Variants in EDA observed in about 807,000 individuals in gnomAD.
The protein encoded by EDA is ectodysplasin-A.
In EDA, 2 loss-of-function variants were observed where a neutral mutation model predicts 23.6. The observed-to-expected ratio is 0.08, with a 90% CI of 0.03 to 0.27. The LOEUF is 0.27. Among genes scored for constraint, EDA ranks in the 10% least tolerant of loss-of-function variants. The probability of loss-of-function intolerance (pLI) is 1.00; values close to 1 mark genes in which losing one functional copy is unlikely to be tolerated. For synonymous variants in EDA, 131 were observed against 132.0 expected (o/e 0.99, Z 0.05); for missense variants, 229 against 324.2 (o/e 0.71, Z 2.26).
At chrX:69,903,871 C>T (rs1479949159) in intron 1 of EDA, among the ~76,000 whole-genome samples, 1 of 110,480 alleles carries the variant, frequency 9.1e-6, no homozygotes, top group East Asian at 2.8e-4. Context: ...AGTGCAGTGG[C>T]GTGATCTCAG....
At chrX:69,778,605 GGGT>G (rs775853275) in intron 1 of EDA, among the ~76,000 whole-genome samples, 8 of 111,420 alleles carry the variant, frequency 7.2e-5, no homozygotes, top group African/African-American at 2.3e-4. Context: ...GACAATTGAA[GGGT>G]TCATTGGATT....
chrX:69,924,919 G>A (rs1008029256), intron 1 of EDA, among the ~76,000 whole-genome samples: 17 of 111,431 alleles, frequency 1.5e-4, no homozygotes, highest in African/African-American at 5.2e-4. Flanking sequence ...TAGTGATTGT[G>A]AATGGGAGTT....
chrX:69,778,828 A>G (rs1000462536), intron 1 of EDA, among the ~76,000 whole-genome samples: 2 of 111,148 alleles, frequency 1.8e-5, no homozygotes, highest in Admixed American at 9.6e-5. Context: ...ACTTCCTGCA[A>G]TTTTCTGGCA....
At chrX:69,661,832 A>T (rs1052740823) in intron 1 of EDA, among the ~76,000 whole-genome samples, 7 of 111,887 alleles carry the variant, frequency 6.3e-5, no homozygotes, top group African/African-American at 2.0e-4. Context: ...AGTATTTTTT[A>T]AAAAATACAT....
At chrX:70,022,231 T>C (rs5980892) in intron 2 of EDA, among the ~76,000 whole-genome samples, 20,753 of 111,196 alleles carry the variant, frequency 0.19, 1,782 homozygotes, top group Non-Finnish European at 0.26. Flanking sequence ...GTACCTTCAA[T>C]TGATTAGAAT....
chrX:69,996,308 G>T (rs888343742), intron 2 of EDA, among the ~76,000 whole-genome samples: 4 of 111,990 alleles, frequency 3.6e-5, no homozygotes, highest in East Asian at 2.8e-4. Flanking sequence ...TACAGGCACT[G>T]CCCATGTGTT....
intron 1 of EDA, among the ~76,000 whole-genome samples, chrX:69,757,102 G>T (rs5980845): frequency 0.2 from 21,612 of 110,699 alleles, 1,623 homozygotes; most frequent in African/African-American, 0.24. Flanking sequence ...GTTAAGGGGA[G>T]ATCAATTAGT....
At chrX:69,703,006 CTG>C (rs1371386715) in intron 1 of EDA, among the ~76,000 whole-genome samples, 2 of 108,744 alleles carry the variant, frequency 1.8e-5, no homozygotes, top group African/African-American at 6.7e-5. Flanking sequence ...GAATGGAAGA[CTG>C]GGAATTTCCC....
In EDA at chrX:69,957,157, A is replaced by T. The variant is rs1400007042; in HGVS notation, c.502+25A>T. The T allele has an allele frequency of 4.3e-6, 5 of 1,150,339 alleles. 1 individual carries two copies. The Admixed American group carries it at 6.6e-5, about 15-fold the overall frequency. 94.8% of individuals were successfully genotyped at this position (1,150,339 alleles called of 1,213,427 possible). A position where few individuals can be genotyped will look rare whatever the true frequency, so the allele number is the denominator to read the frequency against. ...GGTAAGTCTACTCAGTTGATCCTTT[A>T]TCACTTCTGAATTATTTGTTAGTAA... On this transcript the variant is annotated intron_variant, in intron 2 of 7. Coordinates refer to ENST00000374552, the MANE Select transcript of EDA (RefSeq NM_001399.5).
At chrX:69,873,671 T>C (rs1399735218) in intron 1 of EDA, among the ~76,000 whole-genome samples, 2 of 111,231 alleles carry the variant, frequency 1.8e-5, no homozygotes, top group Non-Finnish European at 3.8e-5. Context: ...TAAGAGAGAA[T>C]TGAAATGATA....
At chrX:70,020,329 A>T (rs58127351) in intron 2 of EDA, among the ~76,000 whole-genome samples, 56,008 of 110,156 alleles carry the variant, frequency 0.51, 10,687 homozygotes, top group African/African-American at 0.62. Flanking sequence ...AGGCCGAGGC[A>T]GGCGGATCAC....
chrX:69,750,996 T>C (rs1241854055), intron 1 of EDA, among the ~76,000 whole-genome samples: 2 of 110,180 alleles, frequency 1.8e-5, no homozygotes, highest in East Asian at 5.6e-4. Context: ...CTGATGGTAG[T>C]TTCTTTTGCT....
chrX:70,028,152 G>A (rs1330614996), intron 4 of EDA, 116 bp downstream of exon 4: 10 of 1,106,905 alleles, frequency 9.0e-6, no homozygotes, highest in Non-Finnish European at 1.2e-5. Context: ...TGTGCAATAA[G>A]GGATGCAGAT....
rs1414521574 is a variant in EDA, at chrX:69,901,348, G to C, written c.397-55679G>C. ...TACTGTACTGAAATACTATTAACTA[G>C]CAATTAAAGCAAAATGTAATTGAAT... On this transcript the variant is annotated intron_variant, in intron 1 of 7. Coordinates refer to ENST00000374552, the MANE Select transcript of EDA (RefSeq NM_001399.5). 5.4e-5 allele frequency among the ~76,000 whole-genome samples: 6 copies of C among 112,126 alleles called. No individual in the cohort carries two copies. In the East Asian group the frequency reaches 1.7e-3, roughly 31 times the overall value.
intron 1 of EDA, among the ~76,000 whole-genome samples, chrX:69,914,605 C>T (rs2018315414): frequency 9.0e-6 from 1 of 111,473 alleles, no homozygotes; most frequent in African/African-American, 3.3e-5. Context: ...AAACATTTAT[C>T]ATTTCTTTGT....
chrX:69,743,631 C>G (rs1049450547), intron 1 of EDA, among the ~76,000 whole-genome samples: 1 of 111,475 alleles, frequency 9.0e-6, no homozygotes, highest in Non-Finnish European at 1.9e-5. Flanking sequence ...CACCATCATC[C>G]AAGGGAAAAT....
intron 1 of EDA, among the ~76,000 whole-genome samples, chrX:69,800,464 C>G (rs185312701): frequency 3.6e-5 from 4 of 111,178 alleles, no homozygotes; most frequent in African/African-American, 1.3e-4. Flanking sequence ...TCTTTACACA[C>G]TATGCATGTA....
At chrX:69,730,845 C>A (rs1021668000) in intron 1 of EDA, among the ~76,000 whole-genome samples, 1 of 112,323 alleles carries the variant, frequency 8.9e-6, no homozygotes, top group African/African-American at 3.2e-5. Context: ...AAATATTAAT[C>A]CGCAGACAGC....
At chrX:69,931,150 T>C (rs2018592901) in intron 1 of EDA, among the ~76,000 whole-genome samples, 1 of 111,377 alleles carries the variant, frequency 9.0e-6, no homozygotes, top group Non-Finnish European at 1.9e-5. Context: ...GTTTTTAATA[T>C]AGACAGTAGA....
Sources: allele counts gnomAD v4.1 joint callset (sites outside exome capture counted in the v4.1 genomes callset), GRCh38; gene constraint gnomAD v4.1.1; transcripts MANE v1.5; gene names NCBI Gene and HGNC (gene_info 2026-07-23, HGNC 2026-07-21).